RBFOX1: variants seen among roughly 807,000 people sequenced by gnomAD.
RBFOX1 encodes the protein RNA binding fox-1 homolog 1, also known as RNA binding protein fox-1 homolog 1.
Under a neutral mutation model 57.7 loss-of-function variants are expected in RBFOX1, and 8 were observed. The observed-to-expected ratio is 0.14, with a 90% CI of 0.08 to 0.25. RBFOX1 has a LOEUF of 0.25. RBFOX1 is among the 10% of genes least tolerant of loss of function. The pLI is 1.00. For synonymous variants in RBFOX1, 326 were observed against 222.4 expected (o/e 1.47, Z -4.15); for missense variants, 611 against 548.5 (o/e 1.11, Z -1.14).
At chr16:7,550,775 C>G (rs1057303434) in intron 5 of RBFOX1, among the ~76,000 whole-genome samples, 2 of 152,056 alleles carry the variant, frequency 1.3e-5, no homozygotes, top group Admixed American at 1.3e-4. Context: ...TCCACAATGA[C>G]TACCTGTCTT....
At chr16:6,700,357 CAA>C (rs764836272) in intron 3 of RBFOX1, among the ~76,000 whole-genome samples, 1 of 99,938 alleles carries the variant, frequency 1.0e-5, no homozygotes, top group Admixed American at 1.1e-4. Flanking sequence ...AAGGTTAAAA[CAA>C]AAAAAAAAAG....
intron 4 of RBFOX1, among the ~76,000 whole-genome samples, chr16:7,293,164 A>T (rs551399358): frequency 6.6e-6 from 1 of 152,318 alleles, no homozygotes; most frequent in South Asian, 2.1e-4. Flanking sequence ...GATCAAAAAT[A>T]TTCAGAAAGA....
intron 3 of RBFOX1, among the ~76,000 whole-genome samples, chr16:6,996,809 C>T (rs571204973): frequency 1.3e-5 from 2 of 152,044 alleles, no homozygotes; most frequent in Admixed American, 6.5e-5. Context: ...TATGGCCAGT[C>T]TATGAGTTGA....
chr16:5,642,033 C>G (rs529626338), intron 3 of RBFOX1, among the ~76,000 whole-genome samples: 2 of 152,192 alleles, frequency 1.3e-5, no homozygotes, highest in South Asian at 4.2e-4. Context: ...GGTATCTGGA[C>G]CACACTTTGA....
chr16:7,000,939 A>G (rs2092734925), intron 3 of RBFOX1, among the ~76,000 whole-genome samples: 1 of 151,994 alleles, frequency 6.6e-6, no homozygotes, highest in Non-Finnish European at 1.5e-5. Context: ...TCCATTAGGA[A>G]CCACATAATG....
intron 1 of RBFOX1, among the ~76,000 whole-genome samples, chr16:5,330,012 C>T (rs1006959083): frequency 3.3e-5 from 5 of 150,162 alleles, no homozygotes; most frequent in Non-Finnish European, 5.9e-5. Flanking sequence ...AAGACCGATG[C>T]GGTGTCTGAT....
intron 3 of RBFOX1, among the ~76,000 whole-genome samples, chr16:6,819,957 T>C (rs1226408338): frequency 6.6e-6 from 1 of 152,152 alleles, no homozygotes; most frequent in Non-Finnish European, 1.5e-5. Context: ...GTATTTTCAC[T>C]CATCCTCTGG....
At chr16:5,443,253 G>C (rs1278047702) in intron 1 of RBFOX1, among the ~76,000 whole-genome samples, 1 of 152,190 alleles carries the variant, frequency 6.6e-6, no homozygotes, top group East Asian at 1.9e-4. Context: ...TGCTTAGGGA[G>C]GCATATTCTA....
At chr16:5,738,658 G>C (rs1054984637) in intron 3 of RBFOX1, among the ~76,000 whole-genome samples, 1 of 117,884 alleles carries the variant, frequency 8.5e-6, no homozygotes, top group African/African-American at 2.9e-5. Flanking sequence ...AAAAAAAAGG[G>C]AAATCTAAAG....
chr16:6,516,776 A>G (rs1257277254), intron 2 of RBFOX1, among the ~76,000 whole-genome samples: 1 of 152,170 alleles, frequency 6.6e-6, no homozygotes, highest in East Asian at 1.9e-4. Context: ...TAAAATGCAT[A>G]TATAAACCAG....
chr16:7,274,696 T>C (rs141446749), intron 4 of RBFOX1, among the ~76,000 whole-genome samples: 3 of 151,886 alleles, frequency 2.0e-5, no homozygotes, highest in Non-Finnish European at 2.9e-5. Context: ...TTTTATTTTA[T>C]TTTTTTGAGG....
intron 3 of RBFOX1, among the ~76,000 whole-genome samples, chr16:5,808,794 G>C (rs1333571730): frequency 1.3e-5 from 2 of 152,316 alleles, no homozygotes; most frequent in East Asian, 1.9e-4. Context: ...TGCTGAAGTT[G>C]ATTATCAGCT....
chr16:7,182,062 A>T (rs2082827588), intron 4 of RBFOX1, among the ~76,000 whole-genome samples: 1 of 152,250 alleles, frequency 6.6e-6, no homozygotes. Context: ...CTTCACTGAT[A>T]AACTGAATGA....
intron 3 of RBFOX1, among the ~76,000 whole-genome samples, chr16:6,767,139 A>C (rs370403807): frequency 6.6e-6 from 1 of 151,962 alleles, no homozygotes; most frequent in Non-Finnish European, 1.5e-5. Context: ...TTTTTCCTCC[A>C]TACTTCCAGA....
At position 5,944,737 on chromosome 16, in the gene RBFOX1, G is replaced by C. The variant is rs142192791; in HGVS notation, c.351+77402G>C. 4.8e-4 allele frequency among the ~76,000 whole-genome samples: 67 copies of C among 140,088 alleles called. No homozygotes were observed. In the East Asian group the frequency reaches 0.012, roughly 25 times the overall value. 91.9% of individuals were successfully genotyped at this position (140,088 alleles called of 152,430 possible). On this transcript the variant is annotated intron_variant, in intron 4 of 19. Coordinates refer to the RBFOX1 transcript ENST00000641259. The stretch of plus-strand genomic sequence containing the variant: ...TGAGAGGCCAAGGTGGGCAGATCAC[G>C]AGGTCAAGAGATAGAGACCATCCTG...
At chr16:6,837,719 C>T (rs80003570) in intron 3 of RBFOX1, among the ~76,000 whole-genome samples, 1 of 152,104 alleles carries the variant, frequency 6.6e-6, no homozygotes, top group African/African-American at 2.4e-5. Flanking sequence ...TGTGCAAGTT[C>T]AGATAAACAT....
intron 1 of RBFOX1, among the ~76,000 whole-genome samples, chr16:5,388,101 G>C (rs2066304388): frequency 6.6e-6 from 1 of 152,192 alleles, no homozygotes; most frequent in South Asian, 2.1e-4. Flanking sequence ...TTATGGCTCA[G>C]GGAGAACTAT....
At chr16:6,568,730 A>C (rs2097302405) in intron 2 of RBFOX1, among the ~76,000 whole-genome samples, 1 of 152,130 alleles carries the variant, frequency 6.6e-6, no homozygotes, top group Non-Finnish European at 1.5e-5. Context: ...TTCAGGGGCC[A>C]GTTGGGTGGA....
chr16:6,486,193 CTTTT>C (rs1485774201), intron 2 of RBFOX1, among the ~76,000 whole-genome samples: 2 of 139,422 alleles, frequency 1.4e-5, no homozygotes, highest in Non-Finnish European at 3.0e-5. Flanking sequence ...GTGTATATGA[CTTTT>C]GTTTTGAGAA....
Sources: allele counts gnomAD v4.1 joint callset (sites outside exome capture counted in the v4.1 genomes callset), GRCh38; gene constraint gnomAD v4.1.1; transcripts MANE v1.5; gene names NCBI Gene and HGNC (gene_info 2026-07-23, HGNC 2026-07-21).